The following PPP3CA variants were observed in gnomAD, a reference collection of about 807,000 sequenced individuals.
The protein encoded by PPP3CA is protein phosphatase 3 catalytic subunit alpha.
In PPP3CA, 14 loss-of-function variants were observed where a neutral mutation model predicts 66.5. The observed-to-expected ratio is 0.21, with a 90% CI of 0.14 to 0.33. The LOEUF is 0.33. Ranked by LOEUF, PPP3CA falls within the 10% of genes least tolerant of loss-of-function variation. The probability of loss-of-function intolerance (pLI) is 1.00; values close to 1 mark genes in which losing one functional copy is unlikely to be tolerated. For missense variants in PPP3CA, 317 were observed against 639.5 expected, an observed-to-expected ratio of 0.50 and a Z score of 5.44; for synonymous variants, 232 against 226.2, an observed-to-expected ratio of 1.03 and a Z score of -0.23.
chr4:101,230,578 A>G (rs1252385744), intron 1 of PPP3CA, among the ~76,000 whole-genome samples: 3 of 151,598 alleles, frequency 2.0e-5, no homozygotes, highest in Non-Finnish European at 4.4e-5. Flanking sequence ...ATAAAAAATG[A>G]ATAAAGCCTC....
chr4:101,178,864 A>G (rs1724147318), intron 2 of PPP3CA, among the ~76,000 whole-genome samples: 1 of 152,068 alleles, frequency 6.6e-6, no homozygotes, highest in Non-Finnish European at 1.5e-5. Flanking sequence ...CTAATTCCTC[A>G]GATTCAATCC....
chr4:101,303,162 A>G (rs549950913), intron 1 of PPP3CA, among the ~76,000 whole-genome samples: 29 of 152,330 alleles, frequency 1.9e-4, no homozygotes, highest in African/African-American at 6.3e-4. Context: ...TCAGTAATAC[A>G]TTGTTCAAAA....
intron 1 of PPP3CA, among the ~76,000 whole-genome samples, chr4:101,329,667 G>A (rs1193123696): frequency 6.6e-6 from 1 of 152,096 alleles, no homozygotes; most frequent in Admixed American, 6.6e-5. Context: ...AATGCAGCTG[G>A]TAACTTAAGT....
chr4:101,216,703 A>AT (rs1415146376), intron 1 of PPP3CA, among the ~76,000 whole-genome samples: 1 of 151,826 alleles, frequency 6.6e-6, no homozygotes, highest in Admixed American at 6.6e-5. Flanking sequence ...AGATCCATTT[A>AT]TTTTTTATTT....
intron 1 of PPP3CA, among the ~76,000 whole-genome samples, chr4:101,283,497 C>T (rs1480829364): frequency 6.6e-6 from 1 of 152,008 alleles, no homozygotes; most frequent in Non-Finnish European, 1.5e-5. Context: ...AAGTCAGGTG[C>T]AATACAAGTA....
At chr4:101,096,191 G>A (rs1730187950) in intron 5 of PPP3CA, among the ~76,000 whole-genome samples, 1 of 152,112 alleles carries the variant, frequency 6.6e-6, no homozygotes, top group South Asian at 2.1e-4. Flanking sequence ...TTGAACACTT[G>A]AACCTCAATG....
chr4:101,258,006 G>C (rs547299308), intron 1 of PPP3CA, among the ~76,000 whole-genome samples: 1 of 152,054 alleles, frequency 6.6e-6, no homozygotes, highest in South Asian at 2.1e-4. Flanking sequence ...GAAATAAGTA[G>C]GTGTCCAAAA....
chr4:101,059,252 C>T (rs1446923700), intron 10 of PPP3CA, among the ~76,000 whole-genome samples: 1 of 152,098 alleles, frequency 6.6e-6, no homozygotes, highest in Admixed American at 6.6e-5. Flanking sequence ...GTCCATTGAT[C>T]TCTTGCATAT....
At chr4:101,109,530 T>C (rs1464352104) in intron 2 of PPP3CA, among the ~76,000 whole-genome samples, 2 of 151,828 alleles carry the variant, frequency 1.3e-5, no homozygotes, top group African/African-American at 4.8e-5. Context: ...TCTGAATACA[T>C]GGCCACTACA....
At chr4:101,034,653 G>A (rs574330105) in intron 11 of PPP3CA, among the ~76,000 whole-genome samples, 19 of 152,238 alleles carry the variant, frequency 1.2e-4, no homozygotes, top group Middle Eastern at 6.8e-3. Context: ...AAGTTGAATG[G>A]AGAATGGAAA....
chr4:101,095,424 A>G (rs1485902968), intron 5 of PPP3CA, among the ~76,000 whole-genome samples: 1 of 152,198 alleles, frequency 6.6e-6, no homozygotes, highest in Non-Finnish European at 1.5e-5. Context: ...ACAAATACAA[A>G]AAAACTTGAT....
intron 8 of PPP3CA, among the ~76,000 whole-genome samples, chr4:101,078,948 C>T (rs1005801718): frequency 1.3e-5 from 2 of 152,178 alleles, no homozygotes; most frequent in Admixed American, 6.5e-5. Context: ...TAGGAACTGC[C>T]TCCTTTCTTC....
intron 2 of PPP3CA, among the ~76,000 whole-genome samples, chr4:101,114,414 T>G (rs978606956): frequency 2.0e-5 from 3 of 152,164 alleles, no homozygotes; most frequent in Non-Finnish European, 4.4e-5. Context: ...ACCTGTCATT[T>G]GTTTTGTACT....
At chr4:101,321,950 A>C (rs891624739) in intron 1 of PPP3CA, among the ~76,000 whole-genome samples, 5 of 152,190 alleles carry the variant, frequency 3.3e-5, no homozygotes, top group Admixed American at 1.3e-4. Flanking sequence ...TTTTCCCTAC[A>C]GAAGGTTGGC....
At chr4:101,106,453 G>GAGAAAAGAAAAGAAA (rs70961774) in intron 3 of PPP3CA, among the ~76,000 whole-genome samples, 3 of 35,512 alleles carry the variant, frequency 8.4e-5, no homozygotes, top group Non-Finnish European at 1.6e-4. Context: ...AAGAAAGAAA[G>GAGAAAAGAAAAGAAA]AGAAAAGAAA....
chr4:101,309,563 T>C (rs956250275), intron 1 of PPP3CA, among the ~76,000 whole-genome samples: 2 of 152,160 alleles, frequency 1.3e-5, no homozygotes, highest in Non-Finnish European at 2.9e-5. Context: ...AAAACATTCT[T>C]AAACATGGAC....
chr4:101,339,319 AAC>A (rs1359204773), intron 1 of PPP3CA, among the ~76,000 whole-genome samples: 1 of 152,228 alleles, frequency 6.6e-6, no homozygotes, highest in Non-Finnish European at 1.5e-5. Flanking sequence ...CCAATAATCA[AAC>A]ACTCAGTGAT....
At chr4:101,168,950 T>C (rs1203283247) in intron 2 of PPP3CA, among the ~76,000 whole-genome samples, 1 of 152,178 alleles carries the variant, frequency 6.6e-6, no homozygotes, top group African/African-American at 2.4e-5. Context: ...TATAATTCTT[T>C]ATAATTCTAT....
chr4:101,250,314 C>T lies in PPP3CA; in HGVS notation c.59-54198G>A, dbSNP rs535009873. The T allele has an allele frequency of 6.5e-4, 296 of 454,510 alleles. 2 individuals carry two copies. The highest frequency in any genetic ancestry group is 1.9e-3 in the Admixed American group (81 of 42,322). 28.2% of individuals were successfully genotyped at this position (454,510 alleles called of 1,614,324 possible). ...ATACTAATCCAAGCTCTACTTCTTA[C>T]TGTTTTATACTGTACCTGTGGCTGT... On this transcript the variant is annotated intron_variant, in intron 1 of 13. Coordinates refer to ENST00000394854, the MANE Select transcript of PPP3CA (RefSeq NM_000944.5).
Sources: gnomAD v4.1 joint callset for allele counts (sites outside exome capture counted in the v4.1 genomes callset) on GRCh38, gnomAD v4.1.1 for gene constraint, MANE v1.5 for transcripts, NCBI Gene and HGNC (gene_info 2026-07-23, HGNC 2026-07-21) for gene names.